Variants in FAM120B observed in about 807,000 individuals in gnomAD.
FAM120B encodes the protein family with sequence similarity 120 member B, also known as constitutive coactivator of peroxisome proliferator-activated receptor gamma.
In FAM120B, 83 loss-of-function variants were observed where a neutral mutation model predicts 96.3. The observed-to-expected ratio is 0.86, with a 90% CI of 0.72 to 1.03. The LOEUF (loss-of-function observed/expected upper bound fraction) is 1.03. FAM120B is among the 50% of genes least tolerant of loss of function. FAM120B has a pLI of 0.00. For missense variants in FAM120B, 1,027 were observed against 1,121.2 expected (o/e 0.92, Z 1.20); for synonymous variants, 407 against 402.7 (o/e 1.01, Z -0.13).
chr6:170,371,003 A>G (rs1424974495), intron 6 of FAM120B, among the ~76,000 whole-genome samples: 1 of 152,188 alleles, frequency 6.6e-6, no homozygotes, highest in African/African-American at 2.4e-5. Flanking sequence ...ACAAAGTCAC[A>G]TGAACTATAC....
chr6:170,306,428 G>A (rs1013284949), upstream of FAM120B: 1 of 152,318 alleles, frequency 6.6e-6, no homozygotes, highest in Non-Finnish European at 1.5e-5. Flanking sequence ...GCAGGACAAA[G>A]ACCGGCATGC....
intron 4 of FAM120B, among the ~76,000 whole-genome samples, chr6:170,335,122 TGTG>T (rs1262349534): frequency 6.6e-6 from 1 of 151,778 alleles, no homozygotes; most frequent in Non-Finnish European, 1.5e-5. Context: ...CATGTGCCAT[TGTG>T]GTTTGTTGCA....
chr6:170,359,837 A>G (rs1483687271), intron 6 of FAM120B, among the ~76,000 whole-genome samples: 3 of 152,230 alleles, frequency 2.0e-5, no homozygotes, highest in Non-Finnish European at 2.9e-5. Context: ...TAGAAATTTC[A>G]TAGCATCAGT....
intron 6 of FAM120B, among the ~76,000 whole-genome samples, chr6:170,368,752 C>A (rs1454152662): frequency 7.0e-6 from 1 of 143,638 alleles, no homozygotes; most frequent in Non-Finnish European, 1.5e-5. Context: ...ACAGACATTC[C>A]CTTCTCAGTG....
At chr6:170,346,809 C>T (rs984245972) in intron 4 of FAM120B, among the ~76,000 whole-genome samples, 7 of 151,954 alleles carry the variant, frequency 4.6e-5, no homozygotes, top group African/African-American at 1.7e-4. Context: ...CCCGAGACTG[C>T]ACACGTTGCC....
At chr6:170,322,787 G>A (rs1785378696) in intron 2 of FAM120B, among the ~76,000 whole-genome samples, 2 of 152,126 alleles carry the variant, frequency 1.3e-5, no homozygotes, top group South Asian at 4.1e-4. Context: ...CTGGTGAGAA[G>A]TAGTGAGCAC....
chr6:170,391,236 T>C, intron 8 of FAM120B, 115 bp downstream of exon 8: 1 of 779,698 alleles, frequency 1.3e-6, no homozygotes, highest in South Asian at 1.5e-5. Flanking sequence ...ATGAACAGAA[T>C]AGAATTTAAA....
At chr6:170,383,706 G>A (rs1790041600) in intron 6 of FAM120B, among the ~76,000 whole-genome samples, 2 of 152,158 alleles carry the variant, frequency 1.3e-5, no homozygotes, top group African/African-American at 2.4e-5. Context: ...GGCTGGTGTC[G>A]GTCACTCTGG....
chr6:170,293,592 C>T (rs767613246), upstream of FAM120B, among the ~76,000 whole-genome samples: 3 of 152,140 alleles, frequency 2.0e-5, no homozygotes, highest in East Asian at 1.9e-4. Context: ...ATTTATGCCA[C>T]GCGATTCTGT....
chr6:170,359,229 C>T (rs143912633), intron 6 of FAM120B, among the ~76,000 whole-genome samples: 2,197 of 152,114 alleles, frequency 0.014, 50 homozygotes, highest in African/African-American at 0.051. Context: ...GGTGAACCCT[C>T]ATCTCTACTA....
chr6:170,305,967 T>C (rs187527734), upstream of FAM120B, among the ~76,000 whole-genome samples: 504 of 152,220 alleles, frequency 3.3e-3, 7 homozygotes, highest in African/African-American at 0.012. Flanking sequence ...GTGGCACCTG[T>C]TCCCCTGTCC....
upstream of FAM120B, among the ~76,000 whole-genome samples, chr6:170,305,318 C>A (rs1388741617): frequency 6.6e-6 from 1 of 152,126 alleles, no homozygotes; most frequent in Non-Finnish European, 1.5e-5. Context: ...TTGGTGTCAC[C>A]CCACAGCACT....
At chr6:170,375,302 G>A (rs536396099) in intron 6 of FAM120B, among the ~76,000 whole-genome samples, 2 of 152,240 alleles carry the variant, frequency 1.3e-5, no homozygotes, top group Non-Finnish European at 2.9e-5. Context: ...CAAAGGCCTT[G>A]TGAAGTCCAT....
At chr6:170,336,791 G>T (rs778742603) in intron 4 of FAM120B, among the ~76,000 whole-genome samples, 25 of 152,082 alleles carry the variant, frequency 1.6e-4, no homozygotes, top group Non-Finnish European at 3.5e-4. Flanking sequence ...TCTCTGTGTA[G>T]CAATTGTGAA....
intron 6 of FAM120B, among the ~76,000 whole-genome samples, chr6:170,382,669 C>T: frequency 6.6e-6 from 1 of 152,106 alleles, no homozygotes; most frequent in East Asian, 1.9e-4. Flanking sequence ...GAAGTGGAGA[C>T]ACATACCGTG....
intron 4 of FAM120B, among the ~76,000 whole-genome samples, chr6:170,345,567 A>C (rs1483616652): frequency 6.6e-6 from 1 of 152,262 alleles, no homozygotes; most frequent in Non-Finnish European, 1.5e-5. Flanking sequence ...TCAGGTGCAG[A>C]GCACCTAGAA....
At chr6:170,398,212 G>A (rs1050203087) in intron 9 of FAM120B, among the ~76,000 whole-genome samples, 1 of 152,250 alleles carries the variant, frequency 6.6e-6, no homozygotes. Flanking sequence ...ATCTGGCCTG[G>A]ATAACCTTGA....
intron 4 of FAM120B, among the ~76,000 whole-genome samples, chr6:170,346,716 G>T (rs561443053): frequency 8.9e-5 from 13 of 146,224 alleles, no homozygotes; most frequent in South Asian, 4.4e-4. Context: ...TTTTACTTTG[G>T]TTTTTTTTTT....
chr6:170,310,740 C>A (rs1231058310), intron 1 of FAM120B, among the ~76,000 whole-genome samples: 1 of 152,190 alleles, frequency 6.6e-6, no homozygotes, highest in South Asian at 2.1e-4. Context: ...GTAGACTGCA[C>A]ACACTTAGAC....
Sources: allele counts gnomAD v4.1 joint callset (sites outside exome capture counted in the v4.1 genomes callset), GRCh38; gene constraint gnomAD v4.1.1; transcripts MANE v1.5; gene names NCBI Gene and HGNC (gene_info 2026-07-23, HGNC 2026-07-21).